Variants in ABAT observed in about 807,000 individuals in gnomAD.
The protein encoded by ABAT is 4-aminobutyrate aminotransferase, also known as 4-aminobutyrate aminotransferase, mitochondrial.
Under a neutral mutation model 64.6 loss-of-function variants are expected in ABAT, and 45 were observed. That is an observed-to-expected ratio of 0.70 (90% CI 0.55 to 0.89). The LOEUF is 0.89. ABAT is among the 40% of genes least tolerant of loss of function. The pLI is 0.00. For synonymous variants in ABAT, 297 were observed against 250.5 expected (o/e 1.19, Z -1.75); for missense variants, 633 against 658.4 (o/e 0.96, Z 0.42).
At chr16:8,707,699 C>T (rs1310203289) in intron 1 of ABAT, among the ~76,000 whole-genome samples, 1 of 152,194 alleles carries the variant, frequency 6.6e-6, no homozygotes, top group Admixed American at 6.5e-5. Context: ...GCTAGCTGGA[C>T]TTAACTCCAG....
In ABAT at chr16:8,772,091, A is replaced by G. The variant is rs548800676; in HGVS notation, c.817-689A>G. Among the ~76,000 whole-genome samples, 5 of 152,288 alleles carry G rather than the reference A, an allele frequency of 3.3e-5. 1 individual carries two copies. In the South Asian group the frequency reaches 8.3e-4, roughly 25 times the overall value. On this transcript the variant is annotated intron_variant, in intron 11 of 15. Coordinates refer to ENST00000268251, the MANE Select transcript of ABAT (RefSeq NM_020686.6). ...TTAGAACAGTTTTTTAACCGAGGAT[A>G]TATCTCCGATTCTGCCCCAAAAGGA...
At chr16:8,679,810 A>G (rs527925206) in intron 1 of ABAT, among the ~76,000 whole-genome samples, 1 of 152,222 alleles carries the variant, frequency 6.6e-6, no homozygotes, top group South Asian at 2.1e-4. Context: ...CTGATCCACC[A>G]TGACCACTCT....
chr16:8,771,187 C>A (rs555231068), intron 11 of ABAT, among the ~76,000 whole-genome samples: 29 of 151,938 alleles, frequency 1.9e-4, no homozygotes, highest in African/African-American at 6.8e-4. Flanking sequence ...CCCAGCTACT[C>A]CAGAGGCCGA....
At chr16:8,749,180 C>T (rs559881328) in intron 4 of ABAT, among the ~76,000 whole-genome samples, 9 of 150,106 alleles carry the variant, frequency 6.0e-5, no homozygotes, top group Admixed American at 2.0e-4. Flanking sequence ...CTCTGCCTTC[C>T]GGTTTCAAAC....
chr16:8,772,613 C>T (rs1567315176), intron 11 of ABAT, among the ~76,000 whole-genome samples, 167 bp from the exon 12 acceptor site: 1 of 152,220 alleles, frequency 6.6e-6, no homozygotes, highest in African/African-American at 2.4e-5. Flanking sequence ...AGGATACATT[C>T]CCATCCACAC....
intron 3 of ABAT, among the ~76,000 whole-genome samples, chr16:8,746,772 C>G (rs910092633): frequency 6.6e-6 from 1 of 151,986 alleles, no homozygotes; most frequent in African/African-American, 2.4e-5. Flanking sequence ...TCAGTTTTCT[C>G]CTACCACAGT....
chr16:8,730,677 G>A (rs1181323665), intron 1 of ABAT, among the ~76,000 whole-genome samples: 1 of 152,158 alleles, frequency 6.6e-6, no homozygotes, highest in Non-Finnish European at 1.5e-5. Context: ...TCTGTCCACT[G>A]TGGGGCTGGG....
chr16:8,770,773 AG>A (rs2060083469), intron 11 of ABAT, among the ~76,000 whole-genome samples: 1 of 152,220 alleles, frequency 6.6e-6, no homozygotes, highest in African/African-American at 2.4e-5. Flanking sequence ...ACAAAGAAAT[AG>A]GTGAAATTCA....
intron 1 of ABAT, among the ~76,000 whole-genome samples, chr16:8,708,003 AGTCTTG>A (rs2142061613): frequency 6.6e-6 from 1 of 152,342 alleles, no homozygotes; most frequent in African/African-American, 2.4e-5. Flanking sequence ...ATCAGTGGTC[AGTCTTG>A]GCCTGAGTAG....
rs1486615511 is a variant in ABAT, at chr16:8,781,769, G to C, written c.*339G>C. On this transcript the variant is annotated 3_prime_UTR_variant, in exon 16 of 16. Transcript: ENST00000268251. This position sits in a 1 kb window ranked among gnomAD's most constrained non-coding sequence, Gnocchi z 4.5. ...CAATTTTTCCAAAAGCCAGTCAAGG[G>C]CATTACATTTGTTCCTGGGACTGGC... 4 of 402,240 alleles carry C rather than the reference G, an allele frequency of 9.9e-6. No individual in the cohort carries two copies. The East Asian group carries it at 2.3e-4, about 23-fold the overall frequency. The allele number at this position is 402,240 out of a possible 1,614,324, so 24.9% of individuals were successfully genotyped here. A position where few individuals can be genotyped will look rare whatever the true frequency, so the allele number is the denominator to read the frequency against.
chr16:8,749,544 G>A (rs1202107676), intron 4 of ABAT, among the ~76,000 whole-genome samples: 1 of 150,810 alleles, frequency 6.6e-6, no homozygotes, highest in Non-Finnish European at 1.5e-5. Context: ...GATTACAGGT[G>A]CCCGCCACTA....
At chr16:8,757,957 C>T in intron 6 of ABAT, 151 bp downstream of exon 6, 3 of 941,436 alleles carry the variant, frequency 3.2e-6, no homozygotes, top group Admixed American at 2.0e-5. Flanking sequence ...ATGTGGCATG[C>T]CTTGATGAAT....
At chr16:8,750,359 T>C (rs2059444122) in intron 4 of ABAT, 63 bp from the exon 5 acceptor site, 3 of 1,383,368 alleles carry the variant, frequency 2.2e-6, no homozygotes, top group Non-Finnish European at 3.1e-6. Context: ...TCAAGCTTAA[T>C]CCTAAAAGCC....
chr16:8,776,326 A>G lies in ABAT; in HGVS notation c.1123-18A>G. 3 of 1,613,976 alleles carry G rather than the reference A, an allele frequency of 1.9e-6. No individual in the cohort carries two copies. Among genetic ancestry groups the G allele is most frequent in the Non-Finnish European group, 2.5e-6 (3 of 1,179,992 alleles). The stretch of plus-strand genomic sequence containing the variant: ...GTGCATGTGTGTGAAGCCTTCCAAC[A>G]CCCGTTCCTCATTCCAGCCCTACCG... On this transcript the variant is annotated intron_variant, in intron 13 of 15. Transcript: ENST00000268251. This position sits in a 1 kb window ranked among gnomAD's most constrained non-coding sequence, Gnocchi z 4.4.
At chr16:8,756,080 G>T (rs2059641825) in intron 5 of ABAT, among the ~76,000 whole-genome samples, 1 of 151,774 alleles carries the variant, frequency 6.6e-6, no homozygotes, top group South Asian at 2.1e-4. Flanking sequence ...AGGCATGGTG[G>T]CACACACCTA....
In ABAT at chr16:8,735,969, G is replaced by T. The variant is rs2058916190; in HGVS notation, c.70+160G>T. ...AGTCTGTTCTCATGCTGCTAATAAA[G>T]GTACACCTGAGACTGGGTATTTTAT... On this transcript the variant is annotated intron_variant, in intron 2 of 15. Coordinates refer to ENST00000268251, the MANE Select transcript of ABAT (RefSeq NM_020686.6). 4 of 664,858 alleles carry T rather than the reference G, an allele frequency of 6.0e-6. No individual in the cohort carries two copies. The East Asian group carries it at 1.1e-4, about 18-fold the overall frequency. The allele number at this position is 664,858 out of a possible 1,614,324, so 41.2% of individuals were successfully genotyped here.
At chr16:8,681,368 G>C (rs1402880852) in intron 1 of ABAT, among the ~76,000 whole-genome samples, 2 of 151,794 alleles carry the variant, frequency 1.3e-5, no homozygotes, top group Non-Finnish European at 2.9e-5. Context: ...AGCTCCTGTA[G>C]GTCACACACT....
chr16:8,756,256 T>A (rs2059645892), intron 5 of ABAT, among the ~76,000 whole-genome samples: 1 of 152,158 alleles, frequency 6.6e-6, no homozygotes, highest in Non-Finnish European at 1.5e-5. Flanking sequence ...GAGCTTGACT[T>A]GTTAGGGGAG....
At chr16:8,674,782 T>G (rs547209295) in intron 1 of ABAT, 71 bp downstream of exon 1, 2 of 152,386 alleles carry the variant, frequency 1.3e-5, no homozygotes, top group Non-Finnish European at 2.9e-5. Context: ...CCTTCTGCCC[T>G]GCCCCCAGGA....
Sources: allele counts gnomAD v4.1 joint callset (sites outside exome capture counted in the v4.1 genomes callset), GRCh38; gene constraint gnomAD v4.1.1; non-coding constraint Gnocchi (gnomAD v3.1); transcripts MANE v1.5; gene names NCBI Gene and HGNC (gene_info 2026-07-23, HGNC 2026-07-21).